Variants in GPATCH2 observed in about 807,000 individuals in gnomAD.
GPATCH2 encodes G patch domain-containing protein 2.
Under a neutral mutation model 58.0 loss-of-function variants are expected in GPATCH2, and 51 were observed. The ratio of observed to expected loss-of-function variants is 0.88; its 90% CI spans 0.70 to 1.11. The LOEUF (loss-of-function observed/expected upper bound fraction) is 1.11, where lower values mean the gene tolerates loss of function less well. Among genes scored for constraint, GPATCH2 ranks in the 50% most tolerant of loss-of-function variants. GPATCH2 has a pLI of 0.00. For missense variants in GPATCH2, 625 were observed against 652.2 expected (o/e 0.96, Z 0.45); for synonymous variants, 222 against 218.5 (o/e 1.02, Z -0.14).
chr1:217,614,288 G>C lies in GPATCH2; in HGVS notation c.774-86C>G, dbSNP rs1034742351. Reference sequence around the variant, plus strand: ...TTTTAAAGAGACATGGCAGCTCAGAGATGGAACTTAAGCCTGACAAAGATC... The same window carrying C: ...TTTTAAAGAGACATGGCAGCTCAGACATGGAACTTAAGCCTGACAAAGATC... On this transcript the variant is annotated intron_variant, in intron 2 of 9. Coordinates refer to ENST00000366935, the MANE Select transcript of GPATCH2 (RefSeq NM_018040.5). The C allele has an allele frequency of 7.9e-6, 6 of 758,746 alleles. No individual in the cohort carries two copies. The African/African-American group carries it at 1.0e-4, about 13-fold the overall frequency. 47.0% of individuals were successfully genotyped at this position (758,746 alleles called of 1,614,324 possible).
intron 5 of GPATCH2, among the ~76,000 whole-genome samples, chr1:217,605,402 G>A (rs1668307042): frequency 6.6e-6 from 1 of 152,112 alleles, no homozygotes; most frequent in Non-Finnish European, 1.5e-5. Flanking sequence ...TGTATAAATA[G>A]TCAATTAAAT....
At chr1:217,577,275 T>A (rs918984513) in intron 5 of GPATCH2, among the ~76,000 whole-genome samples, 2 of 152,182 alleles carry the variant, frequency 1.3e-5, no homozygotes, top group Admixed American at 1.3e-4. Flanking sequence ...ATAATACAAC[T>A]CAACTGATTA....
At chr1:217,449,144 T>C (rs1284114631) in intron 9 of GPATCH2, 105 bp downstream of exon 9, 1 of 716,176 alleles carries the variant, frequency 1.4e-6, no homozygotes, top group Non-Finnish European at 2.5e-6. Flanking sequence ...TTCTTGCAAC[T>C]GTGCTTCTTC....
intron 5 of GPATCH2, among the ~76,000 whole-genome samples, chr1:217,605,635 C>T (rs1668323880): frequency 6.6e-6 from 1 of 152,108 alleles, no homozygotes; most frequent in Admixed American, 6.5e-5. Context: ...AATTTGAATG[C>T]GGATTTTCAG....
chr1:217,594,600 A>C (rs913217624), intron 5 of GPATCH2, among the ~76,000 whole-genome samples: 1 of 152,144 alleles, frequency 6.6e-6, no homozygotes, highest in African/African-American at 2.4e-5. Context: ...TAAAGTCTGT[A>C]ATTCACTCAA....
intron 1 of GPATCH2, among the ~76,000 whole-genome samples, chr1:217,621,552 A>G (rs1350695025): frequency 1.3e-5 from 2 of 152,230 alleles, no homozygotes; most frequent in African/African-American, 2.4e-5. Flanking sequence ...AAACTACTCA[A>G]CTTGCCACTA....
chr1:217,534,311 A>C (rs1664358087), intron 5 of GPATCH2, among the ~76,000 whole-genome samples: 1 of 152,210 alleles, frequency 6.6e-6, no homozygotes, highest in South Asian at 2.1e-4. Flanking sequence ...TATGCCACCC[A>C]CATTTTGAAG....
At chr1:217,568,629 G>A (rs1399809069) in intron 5 of GPATCH2, among the ~76,000 whole-genome samples, 2 of 152,202 alleles carry the variant, frequency 1.3e-5, no homozygotes, top group Admixed American at 1.3e-4. Flanking sequence ...TATCTTGGGA[G>A]CATGCAGGCA....
chr1:217,451,153 G>A (rs765408842), intron 8 of GPATCH2, among the ~76,000 whole-genome samples: 19 of 152,122 alleles, frequency 1.2e-4, no homozygotes, highest in Non-Finnish European at 2.2e-4. Flanking sequence ...CTTTATTAAC[G>A]ACTAGTGAAG....
intron 8 of GPATCH2, among the ~76,000 whole-genome samples, chr1:217,479,535 A>G (rs1467535618): frequency 6.6e-6 from 1 of 152,176 alleles, no homozygotes; most frequent in Non-Finnish European, 1.5e-5. Flanking sequence ...AAAATAAGCA[A>G]AAAACTAAAT....
At chr1:217,486,486 G>A (rs979865762) in intron 8 of GPATCH2, among the ~76,000 whole-genome samples, 2 of 151,894 alleles carry the variant, frequency 1.3e-5, no homozygotes, top group African/African-American at 4.8e-5. Context: ...CTGCAGCCTC[G>A]ACTGCCCAGT....
intron 5 of GPATCH2, among the ~76,000 whole-genome samples, chr1:217,582,973 T>A (rs537613249): frequency 6.6e-6 from 1 of 152,304 alleles, no homozygotes; most frequent in African/African-American, 2.4e-5. Flanking sequence ...TACAAAAGCA[T>A]TTATCAGAAT....
At chr1:217,466,759 TG>T (rs1660472278) in intron 8 of GPATCH2, among the ~76,000 whole-genome samples, 1 of 151,510 alleles carries the variant, frequency 6.6e-6, no homozygotes, top group African/African-American at 2.4e-5. Flanking sequence ...CAAAGTCCAA[TG>T]GTATACCAGA....
At chr1:217,530,069 C>G (rs967767699) in intron 5 of GPATCH2, among the ~76,000 whole-genome samples, 1 of 152,158 alleles carries the variant, frequency 6.6e-6, no homozygotes, top group Non-Finnish European at 1.5e-5. Context: ...TGTGGTAAGT[C>G]TAGAAAACAA....
chr1:217,567,510 G>A (rs1231992558), intron 5 of GPATCH2, among the ~76,000 whole-genome samples: 4 of 152,120 alleles, frequency 2.6e-5, no homozygotes, highest in Non-Finnish European at 5.9e-5. Context: ...GTACGTGCAA[G>A]CACACTACCT....
intron 5 of GPATCH2, among the ~76,000 whole-genome samples, chr1:217,537,600 A>T (rs1559562): frequency 6.6e-6 from 1 of 151,886 alleles, no homozygotes; most frequent in East Asian, 1.9e-4. Context: ...AATCATTACC[A>T]CAACAAATGA....
chr1:217,473,479 C>A (rs901262494), intron 8 of GPATCH2, among the ~76,000 whole-genome samples: 1 of 151,834 alleles, frequency 6.6e-6, no homozygotes. Flanking sequence ...TTCATGTTTT[C>A]CCGAATTGTC....
intron 8 of GPATCH2, among the ~76,000 whole-genome samples, chr1:217,461,165 A>C (rs1485551573): frequency 6.6e-6 from 1 of 152,236 alleles, no homozygotes; most frequent in Non-Finnish European, 1.5e-5. Flanking sequence ...CCAGAATATC[A>C]GAAACTTTTG....
chr1:217,466,106 A>G (rs1429152417), intron 8 of GPATCH2, among the ~76,000 whole-genome samples: 1 of 152,220 alleles, frequency 6.6e-6, no homozygotes, highest in Non-Finnish European at 1.5e-5. Context: ...GCTAATAACA[A>G]GCAAGAACTC....
Sources: allele counts gnomAD v4.1 joint callset (sites outside exome capture counted in the v4.1 genomes callset), GRCh38; gene constraint gnomAD v4.1.1; transcripts MANE v1.5; gene names NCBI Gene and HGNC (gene_info 2026-07-23, HGNC 2026-07-21).